Variants in DCLK1 observed in about 807,000 individuals in gnomAD.
DCLK1 encodes serine/threonine-protein kinase DCLK1.
A neutral mutation model predicts 86.2 loss-of-function variants in DCLK1; 16 were observed. That is an observed-to-expected ratio of 0.19 (90% CI 0.13 to 0.28). The LOEUF is 0.28. DCLK1 is among the 10% of genes least tolerant of loss of function. DCLK1 has a pLI of 1.00. For synonymous variants in DCLK1, 369 were observed against 370.5 expected, an observed-to-expected ratio of 1.00 and a Z score of 0.05; for missense variants, 590 against 940.2, an observed-to-expected ratio of 0.63 and a Z score of 4.87.
intron 9 of DCLK1, 119 bp downstream of exon 9, chr13:35,828,131 C>A: frequency 1.3e-6 from 1 of 791,070 alleles, no homozygotes; most frequent in Non-Finnish European, 2.1e-6. Flanking sequence ...AAGTGTATAA[C>A]ATTCTATTCC....
rs570861850 is a variant in DCLK1 at position 35,822,307 on chromosome 13, C to T, written c.1554+422G>A. Reference sequence around the variant, plus strand: ...TAGCTGGGACTACAGGCACACACTACGATGTCCGGCTAATTAAAAAAAATT... The same window carrying T: ...TAGCTGGGACTACAGGCACACACTATGATGTCCGGCTAATTAAAAAAAATT... On this transcript the variant is annotated intron_variant, in intron 11 of 16. Coordinates refer to ENST00000360631, the MANE Select transcript of DCLK1 (RefSeq NM_001330071.2). Among the ~76,000 whole-genome samples the T allele has an allele frequency of 1.0e-4, 15 of 149,856 alleles. No homozygotes were observed. The South Asian group carries it at 1.9e-3, about 19-fold the overall frequency.
chr13:36,047,468 T>C (rs781715687), intron 3 of DCLK1, among the ~76,000 whole-genome samples: 1 of 152,134 alleles, frequency 6.6e-6, no homozygotes. Context: ...AAACATAGTA[T>C]ATATATCTGC....
chr13:36,106,780 C>T (rs1387333037), intron 3 of DCLK1, among the ~76,000 whole-genome samples: 1 of 152,082 alleles, frequency 6.6e-6, no homozygotes, highest in African/African-American at 2.4e-5. Context: ...GTCTGGAAAC[C>T]TCTAGTTTCC....
intron 4 of DCLK1, among the ~76,000 whole-genome samples, chr13:35,942,657 C>G (rs1877150213): frequency 6.6e-6 from 1 of 152,210 alleles, no homozygotes; most frequent in African/African-American, 2.4e-5. Flanking sequence ...AAATCAGTAC[C>G]TTTTGGACAG....
intron 3 of DCLK1, among the ~76,000 whole-genome samples, chr13:36,102,434 C>T (rs994616047): frequency 1.3e-5 from 2 of 152,186 alleles, no homozygotes; most frequent in East Asian, 3.9e-4. Context: ...AAATTGTAAG[C>T]ATCTAATGAG....
chr13:35,928,452 CA>C (rs1876247213), intron 4 of DCLK1, among the ~76,000 whole-genome samples: 1 of 152,184 alleles, frequency 6.6e-6, no homozygotes, highest in East Asian at 1.9e-4. Context: ...AGTCTTTGCT[CA>C]AATGTCACTG....
At chr13:35,785,837 C>T (rs12430800) in intron 16 of DCLK1, among the ~76,000 whole-genome samples, 23,000 of 152,132 alleles carry the variant, frequency 0.15, 2,159 homozygotes, top group East Asian at 0.38. Context: ...CCCACTTCTG[C>T]GGAGATAAAA....
At chr13:35,845,413 ATATT>A (rs1188230797) in intron 6 of DCLK1, among the ~76,000 whole-genome samples, 4 of 152,308 alleles carry the variant, frequency 2.6e-5, no homozygotes, top group African/African-American at 7.2e-5. Flanking sequence ...TTAAAACTAT[ATATT>A]TATCCAGTGA....
At chr13:36,073,143 T>C (rs1180775464) in intron 3 of DCLK1, among the ~76,000 whole-genome samples, 1 of 152,220 alleles carries the variant, frequency 6.6e-6, no homozygotes, top group Admixed American at 6.5e-5. Flanking sequence ...AATTCAATGA[T>C]TTTTAGTAAA....
chr13:35,844,959 T>A (rs543852851), intron 6 of DCLK1, among the ~76,000 whole-genome samples: 187 of 152,300 alleles, frequency 1.2e-3, no homozygotes, highest in African/African-American at 4.2e-3. Flanking sequence ...ATATAAAATA[T>A]TTTTTCGTCT....
intron 3 of DCLK1, among the ~76,000 whole-genome samples, chr13:36,043,776 A>G (rs1456661340): frequency 1.3e-5 from 2 of 152,232 alleles, no homozygotes; most frequent in Non-Finnish European, 2.9e-5. Flanking sequence ...TGTATAAAAC[A>G]TCATAAGTGA....
chr13:35,910,386 C>T (rs1009753270), intron 4 of DCLK1, among the ~76,000 whole-genome samples: 3 of 152,146 alleles, frequency 2.0e-5, no homozygotes, highest in Non-Finnish European at 4.4e-5. Context: ...TAATACTCAG[C>T]CCCAGTACAT....
At chr13:35,832,972 G>A (rs1000561391) in intron 8 of DCLK1, among the ~76,000 whole-genome samples, 3 of 152,164 alleles carry the variant, frequency 2.0e-5, no homozygotes, top group Non-Finnish European at 2.9e-5. Flanking sequence ...ACACATGGTC[G>A]CTTTGTTGAG....
At chr13:35,813,792 G>T (rs2087205602) in intron 11 of DCLK1, among the ~76,000 whole-genome samples, 1 of 147,782 alleles carries the variant, frequency 6.8e-6, no homozygotes. Context: ...ACATAAAGAG[G>T]TTCAAGGGAC....
intron 2 of DCLK1, 26 bp downstream of exon 2, chr13:36,125,736 C>T (rs996042223): frequency 6.3e-7 from 1 of 1,596,022 alleles, no homozygotes; most frequent in African/African-American, 1.3e-5. Flanking sequence ...TGTAGGGTCA[C>T]GTGGGGGTTA....
intron 16 of DCLK1, among the ~76,000 whole-genome samples, chr13:35,789,572 C>A (rs1455144262): frequency 6.6e-6 from 1 of 152,148 alleles, no homozygotes; most frequent in Non-Finnish European, 1.5e-5. Flanking sequence ...CCCAGTGTCA[C>A]AATTATATGC....
intron 15 of DCLK1, among the ~76,000 whole-genome samples, chr13:35,793,852 A>T (rs1383614477): frequency 6.6e-6 from 1 of 151,682 alleles, no homozygotes; most frequent in African/African-American, 2.4e-5. Flanking sequence ...CTTCTTTTTA[A>T]TTTTTTTTTC....
chr13:36,020,067 T>A (rs1881708248), intron 3 of DCLK1, among the ~76,000 whole-genome samples: 1 of 152,172 alleles, frequency 6.6e-6, no homozygotes, highest in African/African-American at 2.4e-5. Flanking sequence ...TCTCTGTTGC[T>A]CCCTCTCTTG....
intron 3 of DCLK1, among the ~76,000 whole-genome samples, chr13:35,967,275 G>A (rs1204216997): frequency 3.6e-4 from 55 of 150,930 alleles, no homozygotes; most frequent in Admixed American, 9.2e-4. Context: ...CGGCCGCCCC[G>A]TCTGGGAAGT....
Sources: gnomAD v4.1 joint callset for allele counts (sites outside exome capture counted in the v4.1 genomes callset) on GRCh38, gnomAD v4.1.1 for gene constraint, MANE v1.5 for transcripts, NCBI Gene and HGNC (gene_info 2026-07-23, HGNC 2026-07-21) for gene names.